The following KDF1 variants were observed in gnomAD, a reference collection of about 807,000 sequenced individuals.
KDF1 encodes keratinocyte differentiation factor 1, also known as RP11-344H11.3.
Under a neutral mutation model 31.6 loss-of-function variants are expected in KDF1, and 11 were observed. The ratio of observed to expected loss-of-function variants is 0.35; its 90% CI spans 0.22 to 0.58. The LOEUF (loss-of-function observed/expected upper bound fraction) is 0.58, where lower values mean the gene tolerates loss of function less well. Ranked by LOEUF, KDF1 falls within the 20% of genes least tolerant of loss-of-function variation. The pLI is 0.83. For synonymous variants in KDF1, 205 were observed against 214.4 expected (o/e 0.96, Z 0.38); for missense variants, 476 against 549.1 (o/e 0.87, Z 1.33).
Position 26,950,165 on chromosome 1 carries a change from G to A in KDF1, c.1115-14C>T, listed in dbSNP as rs771210965. 1 of 1,605,948 alleles carries A rather than the reference G, an allele frequency of 6.2e-7. No homozygotes were observed. The highest frequency in any genetic ancestry group is 8.5e-7 in the Non-Finnish European group (1 of 1,172,892). Reference sequence around the variant, plus strand: ...TTGCTGGGTACCCTGGTAGGAAGGAGAGGAGAGGAGGAAACAGGCTCAGGG... The same window carrying A: ...TTGCTGGGTACCCTGGTAGGAAGGAAAGGAGAGGAGGAAACAGGCTCAGGG... On this transcript the variant is annotated splice_polypyrimidine_tract_variant and intron_variant, in intron 3 of 3. Coordinates refer to ENST00000320567, the MANE Select transcript of KDF1 (RefSeq NM_152365.3). This position sits in a 1 kb window ranked among gnomAD's most constrained non-coding sequence, Gnocchi z 4.0.
At position 26,952,705 on chromosome 1, in the gene KDF1, G is replaced by A. The variant is rs2082358485; in HGVS notation, c.-32-293C>T. Among the ~76,000 whole-genome samples, 1 of 152,220 alleles carries A rather than the reference G, an allele frequency of 6.6e-6. No individual in the cohort carries two copies. Among genetic ancestry groups the A allele is most frequent in the South Asian group, 2.1e-4 (1 of 4,832 alleles). The stretch of plus-strand genomic sequence containing the variant: ...CTATGAAAGGTTGAACATTGGCCGG[G>A]CGTGGTGGCTCACGCCTGTAATCCC... On this transcript the variant is annotated intron_variant, in intron 1 of 3. Coordinates refer to ENST00000320567, the MANE Select transcript of KDF1 (RefSeq NM_152365.3). The surrounding 1 kb of genome is among the most constrained non-coding windows in gnomAD (Gnocchi z 4.1).
chr1:26,959,702 T>A (rs1187322378), intron 1 of KDF1, among the ~76,000 whole-genome samples: 1 of 151,714 alleles, frequency 6.6e-6, no homozygotes, highest in Non-Finnish European at 1.5e-5. Context: ...CAAGGGTCTA[T>A]GTACCGTCCC....
rs2082358275 is a variant in KDF1 at position 26,952,640 on chromosome 1, A to G, written c.-32-228T>C. ...AGAGAAAGTCTCTGTGGTCTAACCC[A>G]GATTTCAAAATTCCCTGTGACTTAG... On this transcript the variant is annotated intron_variant, in intron 1 of 3. Transcript: ENST00000320567. The surrounding 1 kb of genome is among the most constrained non-coding windows in gnomAD (Gnocchi z 4.1). Among the ~76,000 whole-genome samples, 2 of 151,972 alleles carry G rather than the reference A, an allele frequency of 1.3e-5. No homozygotes were observed. Among genetic ancestry groups the G allele is most frequent in the Admixed American group, 1.3e-4 (2 of 15,262 alleles).
At chr1:26,959,179 T>C (rs1227251987) in intron 1 of KDF1, among the ~76,000 whole-genome samples, 2 of 152,234 alleles carry the variant, frequency 1.3e-5, no homozygotes, top group Non-Finnish European at 2.9e-5. Flanking sequence ...CTGCGTACTT[T>C]GTGTGTGCCA....
In KDF1 at chr1:26,951,568, C is replaced by T. The variant is rs746645517; in HGVS notation, c.813G>A (p.Lys271=). 6.1e-5 allele frequency: 98 copies of T among 1,612,642 alleles called. No individual in the cohort carries two copies. Among genetic ancestry groups the T allele is most frequent in the Non-Finnish European group, 7.7e-5 (91 of 1,178,940 alleles). The change falls in exon 2 of 4, where the codon AAG becomes AAA. Residue 271 remains lysine, a synonymous_variant. Coordinates refer to ENST00000320567, the MANE Select transcript of KDF1 (RefSeq NM_152365.3). This position sits in a 1 kb window ranked among gnomAD's most constrained non-coding sequence, Gnocchi z 5.4. ...KCTSDTVFLE[K]TSKISDLISS... ...TGATAAGGTCCGAGATCTTACTGGT[C>T]TTCTCCAGGAACACAGTGTCTGATG...
chr1:26,952,239 T>C lies in KDF1; in HGVS notation c.142A>G (p.Lys48Glu). ...PSRRTRRPDP[K>E]DPGHHGPESI... Reference sequence around the variant, plus strand: ...TCTGGCCCATGGTGGCCAGGGTCCTTGGGGTCTGGTCTACGGGTGCGGCGG... The same window carrying C: ...TCTGGCCCATGGTGGCCAGGGTCCTCGGGGTCTGGTCTACGGGTGCGGCGG... The change falls in exon 2 of 4, where the codon AAG becomes GAG. Residue 48 changes from lysine to glutamate, a missense_variant. Lys to Glu is a moderately conservative substitution (Grantham distance 56). This residue lies in a region of KDF1 where 330 missense variants were observed against 332.3 expected (regional missense o/e 0.99). Transcript: ENST00000320567. This position sits in a 1 kb window ranked among gnomAD's most constrained non-coding sequence, Gnocchi z 4.1. The C allele has an allele frequency of 6.2e-7, 1 of 1,604,394 alleles. No homozygotes were observed. The highest frequency in any genetic ancestry group is 8.5e-7 in the Non-Finnish European group (1 of 1,174,088).
rs114529995 is a variant in KDF1 at position 26,960,101 on chromosome 1, G to A, written c.-33+249C>T. Among the ~76,000 whole-genome samples, 5,211 of 152,204 alleles carry A rather than the reference G, an allele frequency of 0.034. 305 individuals are homozygous for A. The highest frequency in any genetic ancestry group is 0.12 in the African/African-American group (4,961 of 41,528). ...TTGTCCCATCCCGACGCTGCCCCCC[G>A]GTGAGTGCGGCCCCCGCACCCAGCC... On this transcript the variant is annotated intron_variant, in intron 1 of 3. Coordinates refer to ENST00000320567, the MANE Select transcript of KDF1 (RefSeq NM_152365.3). The surrounding 1 kb of genome is among the most constrained non-coding windows in gnomAD (Gnocchi z 4.9).
Position 26,951,957 on chromosome 1 carries a change from G to T in KDF1, c.424C>A (p.Pro142Thr). 2 of 1,606,596 alleles carry T rather than the reference G, an allele frequency of 1.2e-6. No homozygotes were observed. The highest frequency in any genetic ancestry group is 1.3e-5 in the African/African-American group (1 of 74,910). Residue 142 changes from proline (P) to threonine (T), a missense_variant, in exon 2 of 4, where the codon CCC (proline) becomes ACC (threonine). By Grantham distance (38) the Pro-to-Thr change is conservative (BLOSUM62 -1). Transcript: ENST00000320567. The surrounding 1 kb of genome is among the most constrained non-coding windows in gnomAD (Gnocchi z 5.4). ...NGVPPSPDRA[P>T]PSRRDGQRLK... is the part of the protein sequence containing the mutation. Reference sequence around the variant, plus strand: ...CGCTGGCCATCCCGCCGGCTGGGGGGTGCACGATCAGGGCTGGGGGGCACT... The same window carrying T: ...CGCTGGCCATCCCGCCGGCTGGGGGTTGCACGATCAGGGCTGGGGGGCACT...
rs199575697 is a variant in KDF1 at position 26,951,830 on chromosome 1, G to C, written c.551C>G (p.Ala184Gly). Residue 184 changes from alanine to glycine, a missense_variant, in exon 2 of 4, where the codon GCG (alanine) becomes GGG (glycine). Ala to Gly is a moderately conservative substitution (Grantham distance 60). Coordinates refer to ENST00000320567, the MANE Select transcript of KDF1 (RefSeq NM_152365.3). The surrounding 1 kb of genome is among the most constrained non-coding windows in gnomAD (Gnocchi z 5.4). ...YPRATSPAPD[A>G]DSCCKEPLAD... ...CAGTGGCTCCTTGCAGCAGGAGTCC[G>C]CATCAGGGGCTGGGGAGGTGGCCCT... is the stretch of plus-strand genomic sequence containing the variant. 6.2e-7 allele frequency: 1 copy of C among 1,614,058 alleles called. No individual in the cohort carries two copies. Among genetic ancestry groups the C allele is most frequent in the Non-Finnish European group, 8.5e-7 (1 of 1,180,012 alleles).
rs1247789887 is a variant in KDF1, at chr1:26,952,220, C to T, written c.161G>A (p.Gly54Glu). 1 of 1,608,362 alleles carries T rather than the reference C, an allele frequency of 6.2e-7. No individual in the cohort carries two copies. Among genetic ancestry groups the T allele is most frequent in the Non-Finnish European group, 8.5e-7 (1 of 1,176,452 alleles). ...RPDPKDPGHH[G>E]PESITFISGS... ...AGAGATGAAGGTAATGCTCTCTGGC[C>T]CATGGTGGCCAGGGTCCTTGGGGTC... The change falls in exon 2 of 4, where the codon GGG becomes GAG. Residue 54 changes from glycine to glutamate, a missense_variant. Gly to Glu is a moderately conservative substitution (Grantham distance 98). Transcript: ENST00000320567. The surrounding 1 kb of genome is among the most constrained non-coding windows in gnomAD (Gnocchi z 4.1).
chr1:26,957,416 T>A (rs761067491), intron 1 of KDF1, among the ~76,000 whole-genome samples: 1 of 152,144 alleles, frequency 6.6e-6, no homozygotes, highest in Non-Finnish European at 1.5e-5. Flanking sequence ...TAAGTCTATG[T>A]CCCCAAGGAC....
At chr1:26,956,782 T>C (rs954340678) in intron 1 of KDF1, among the ~76,000 whole-genome samples, 1 of 152,192 alleles carries the variant, frequency 6.6e-6, no homozygotes. Flanking sequence ...ATTGAAGCAC[T>C]TGGGGATAAA....
intron 1 of KDF1, among the ~76,000 whole-genome samples, chr1:26,957,337 G>A (rs886290966): frequency 6.6e-6 from 1 of 152,192 alleles, no homozygotes; most frequent in African/African-American, 2.4e-5. Context: ...TAGTCAGATG[G>A]GAGGCCCTCT....
At chr1:26,954,789 C>A (rs922468971) in intron 1 of KDF1, among the ~76,000 whole-genome samples, 1 of 143,556 alleles carries the variant, frequency 7.0e-6, no homozygotes, top group Non-Finnish European at 1.5e-5. Flanking sequence ...GCCGAGATGG[C>A]GCCATTGCAC....
chr1:26,956,672 T>C (rs182506303), intron 1 of KDF1, among the ~76,000 whole-genome samples: 67 of 152,332 alleles, frequency 4.4e-4, no homozygotes, highest in Admixed American at 7.2e-4. Flanking sequence ...TGTGAATAAC[T>C]GGTGAAATAT....
rs192948407 is a variant in KDF1, at chr1:26,955,816, G to A, written c.-32-3404C>T. On this transcript the variant is annotated intron_variant, in intron 1 of 3. Coordinates refer to ENST00000320567, the MANE Select transcript of KDF1 (RefSeq NM_152365.3). ...CTAAAAATACAAAAATTAGCTGGGC[G>A]TGGTGGAGCGTGCCTGTAATCCCAG... Among the ~76,000 whole-genome samples the A allele has an allele frequency of 5.1e-4, 77 of 152,200 alleles. 1 individual carries two copies. The highest frequency in any genetic ancestry group is 1.7e-3 in the African/African-American group (69 of 41,478).
In KDF1 at chr1:26,952,543, A is replaced by G; in HGVS notation, c.-32-131T>C. The G allele has an allele frequency of 1.6e-6, 1 of 607,340 alleles. No individual in the cohort carries two copies. The highest frequency in any genetic ancestry group is 2.6e-6 in the Non-Finnish European group (1 of 390,584). The allele number at this position is 607,340 out of a possible 1,614,324, so 37.6% of individuals were successfully genotyped here. ...TGGATGGACCCAAGTATGCCCAAAA[A>G]CCCTTGCCTGGGATGTGGATGGACC... is the stretch of plus-strand genomic sequence containing the variant. On this transcript the variant is annotated intron_variant, in intron 1 of 3. Coordinates refer to ENST00000320567, the MANE Select transcript of KDF1 (RefSeq NM_152365.3). This position sits in a 1 kb window ranked among gnomAD's most constrained non-coding sequence, Gnocchi z 4.1.
chr1:26,958,094 G>C (rs2082385086), intron 1 of KDF1, among the ~76,000 whole-genome samples: 1 of 151,044 alleles, frequency 6.6e-6, no homozygotes, highest in Non-Finnish European at 1.5e-5. Flanking sequence ...GACATTACAG[G>C]CATAAGCCAC....
chr1:26,956,248 C>T (rs1167089518), intron 1 of KDF1, among the ~76,000 whole-genome samples: 3 of 151,968 alleles, frequency 2.0e-5, no homozygotes, highest in African/African-American at 4.8e-5. Flanking sequence ...CAGTTCTGGC[C>T]CTAATCTAAC....
Sources: allele counts gnomAD v4.1 joint callset (sites outside exome capture counted in the v4.1 genomes callset), GRCh38; gene constraint gnomAD v4.1.1; regional missense constraint gnomAD v4.1.1; non-coding constraint Gnocchi (gnomAD v3.1); transcripts MANE v1.5; gene names NCBI Gene and HGNC (gene_info 2026-07-23, HGNC 2026-07-21).